The following SEPTIN9 variants were observed in gnomAD, a reference collection of about 807,000 sequenced individuals.
SEPTIN9 encodes the protein septin-9.
SEPTIN9 carries 13 observed loss-of-function variants against 56.6 expected under a neutral mutation model. The ratio of observed to expected loss-of-function variants is 0.23; its 90% confidence interval spans 0.15 to 0.37. SEPTIN9 has a LOEUF of 0.37. Among genes scored for constraint, SEPTIN9 ranks in the 10% least tolerant of loss-of-function variants. The pLI is 1.00. For synonymous variants in SEPTIN9, 332 were observed against 334.1 expected (o/e 0.99, Z 0.07); for missense variants, 650 against 823.1 (o/e 0.79, Z 2.57).
rs533878562 is a variant in SEPTIN9, at chr17:77,343,403, G to A, written c.76+36206G>A. Among the ~76,000 whole-genome samples the A allele has an allele frequency of 6.6e-5, 10 of 152,308 alleles. 1 individual carries two copies. In the South Asian group the frequency reaches 8.3e-4, roughly 13 times the overall value. On this transcript the variant is annotated intron_variant, in intron 2 of 11. Transcript: ENST00000427177. Reference sequence around the variant, plus strand: ...TGCTGGGAGGGCAGTGTACCCTCCCGTGGAAGCTCCATGCCGCTTCCTTCA... The same window carrying A: ...TGCTGGGAGGGCAGTGTACCCTCCCATGGAAGCTCCATGCCGCTTCCTTCA...
At chr17:77,471,640 G>T (rs980865109) in intron 3 of SEPTIN9, among the ~76,000 whole-genome samples, 4 of 152,266 alleles carry the variant, frequency 2.6e-5, no homozygotes, top group African/African-American at 9.6e-5. Context: ...CCTGCTTAGG[G>T]GACATCCCTG....
intron 2 of SEPTIN9, among the ~76,000 whole-genome samples, chr17:77,362,270 T>C (rs1002180758): frequency 6.6e-6 from 1 of 152,068 alleles, no homozygotes; most frequent in Non-Finnish European, 1.5e-5. Context: ...GCCACATGGA[T>C]GGGACAAGCC....
chr17:77,488,773 C>G lies in SEPTIN9; in HGVS notation c.1171C>G (p.Leu391Val). Residue 391 changes from leucine to valine, a missense_variant, in exon 7 of 12, where the codon CTG becomes GTG. Physicochemically the swap from Leu to Val is conservative, Grantham distance 32. Coordinates refer to ENST00000427177, the MANE Select transcript of SEPTIN9 (RefSeq NM_001113491.2). The part of the protein sequence containing the change: ...KFINDQYEKY[L>V]QEEVNINRKK... ...CATCAATGACCAGTACGAGAAATAC[C>G]TGCAGGAGGAGGTCAACATCAACCG... The G allele has an allele frequency of 6.2e-7, 1 of 1,613,942 alleles. No homozygotes were observed. Among genetic ancestry groups the G allele is most frequent in the East Asian group, 2.2e-5 (1 of 44,886 alleles).
intron 3 of SEPTIN9, among the ~76,000 whole-genome samples, chr17:77,462,922 G>A (rs2144510500): frequency 6.6e-6 from 1 of 152,350 alleles, no homozygotes; most frequent in South Asian, 2.1e-4. Flanking sequence ...GATTGTAGGT[G>A]TGAGCTGCTG....
At position 77,488,668 on chromosome 17, in the gene SEPTIN9, C is replaced by T. The variant is rs1314612940; in HGVS notation, c.1125-59C>T. 1.9e-5 allele frequency: 30 copies of T among 1,607,666 alleles called. No individual in the cohort carries two copies. In the East Asian group the frequency reaches 3.1e-4, roughly 17 times the overall value. The stretch of plus-strand genomic sequence containing the variant: ...TTGGGCTCTGAGTCCTGGGAATGCA[C>T]GACCTGCTTGGGGAGGGCATCTCAT... On this transcript the variant is annotated intron_variant, in intron 6 of 11. Transcript: ENST00000427177.
chr17:77,315,930 G>A (rs1203083305), intron 2 of SEPTIN9, among the ~76,000 whole-genome samples: 1 of 152,216 alleles, frequency 6.6e-6, no homozygotes, highest in Non-Finnish European at 1.5e-5. Flanking sequence ...AGGCTGGGGT[G>A]GCTGGGAGCT....
In SEPTIN9 at chr17:77,319,637, G is replaced by A; in HGVS notation, c.76+12440G>A. On this transcript the variant is annotated intron_variant, in intron 2 of 11. Transcript: ENST00000427177. This position sits in a 1 kb window ranked among gnomAD's most constrained non-coding sequence, Gnocchi z 5.3. ...GGGGCACGGCCGTTCCTCCTGCCCA[G>A]CCACGTTGGGGTACAGGGTGAAGAA... 9.4e-7 allele frequency: 1 copy of A among 1,062,588 alleles called. No individual in the cohort carries two copies. Among genetic ancestry groups the A allele is most frequent in the Non-Finnish European group, 1.1e-6 (1 of 877,604 alleles). 65.8% of individuals were successfully genotyped at this position (1,062,588 alleles called of 1,614,324 possible). A position where few individuals can be genotyped will look rare whatever the true frequency, so the allele number is the denominator to read the frequency against.
rs421717 is a variant in SEPTIN9, at chr17:77,397,200, A to G, written c.77-4859A>G. On this transcript the variant is annotated intron_variant, in intron 2 of 11. Coordinates refer to ENST00000427177, the MANE Select transcript of SEPTIN9 (RefSeq NM_001113491.2). ...ACAAGTTTGACATCAAGGTATTGGCAGGACCACACTCCCTCCGACAGCTCG... is the reference window on the plus strand; with the variant it reads ...ACAAGTTTGACATCAAGGTATTGGCGGGACCACACTCCCTCCGACAGCTCG... 1,291 of 154,536 alleles carry G rather than the reference A, an allele frequency of 8.4e-3. 18 individuals carry two copies. The highest frequency in any genetic ancestry group is 0.029 in the African/African-American group (1,217 of 41,628). 9.6% of individuals were successfully genotyped at this position (154,536 alleles called of 1,614,324 possible).
chr17:77,427,170 G>C (rs745861281), intron 3 of SEPTIN9: 4 of 152,340 alleles, frequency 2.6e-5, no homozygotes, highest in Non-Finnish European at 5.9e-5. Context: ...CTGTGCAGAG[G>C]CCGGAGGTGG....
chr17:77,469,882 TACAGTCATTC>T (rs2038905912), intron 3 of SEPTIN9, among the ~76,000 whole-genome samples: 1 of 134,500 alleles, frequency 7.4e-6, no homozygotes, highest in African/African-American at 2.9e-5. Flanking sequence ...TCCACCTATC[TACAGTCATTC>T]ACTCATCCAC....
chr17:77,369,426 G>A lies in SEPTIN9; in HGVS notation c.77-32633G>A, dbSNP rs7209417. Among the ~76,000 whole-genome samples the A allele has an allele frequency of 0.28, 42,625 of 151,934 alleles. 6,325 individuals are homozygous for A. Among genetic ancestry groups the A allele is most frequent in the African/African-American group, 0.32 (13,116 of 41,362 alleles). On this transcript the variant is annotated intron_variant, in intron 2 of 11. Coordinates refer to ENST00000427177, the MANE Select transcript of SEPTIN9 (RefSeq NM_001113491.2). This position sits in a 1 kb window ranked among gnomAD's most constrained non-coding sequence, Gnocchi z 4.9. ...TCGCAGAGAGACTAGAGGTAGAAAC[G>A]CACCATGGTTTGGATGCTGAGGGTG...
rs928174792 is a variant in SEPTIN9 at position 77,449,251 on chromosome 17, G to A, written c.722-32893G>A. Among the ~76,000 whole-genome samples the A allele has an allele frequency of 6.6e-6, 1 of 152,166 alleles. No individual in the cohort carries two copies. The highest frequency in any genetic ancestry group is 2.4e-5 in the African/African-American group (1 of 41,434). ...GCGGTAGAGAACTTTGAGAAGTGCT[G>A]AAGGACAGAGGCTTTGTGTGGGGGA... On this transcript the variant is annotated intron_variant, in intron 3 of 11. Transcript: ENST00000427177. This position sits in a 1 kb window ranked among gnomAD's most constrained non-coding sequence, Gnocchi z 4.6.
chr17:77,390,327 A>T lies in SEPTIN9; in HGVS notation c.77-11732A>T, dbSNP rs556963402. ...GCACCACTGCACCGCAGCCTGGGCG[A>T]CAGAGCAAGACTCCGTCTTAAAAAA... is the stretch of plus-strand genomic sequence containing the variant. On this transcript the variant is annotated intron_variant, in intron 2 of 11. Transcript: ENST00000427177. Among the ~76,000 whole-genome samples the T allele has an allele frequency of 5.1e-5, 6 of 117,386 alleles. No individual in the cohort carries two copies. The South Asian group carries it at 2.1e-3, about 41-fold the overall frequency. The allele number at this position is 117,386 out of a possible 152,430, so 77.0% of individuals were successfully genotyped here.
intron 2 of SEPTIN9, chr17:77,322,503 G>T (rs2032974704): frequency 6.6e-6 from 1 of 152,256 alleles, no homozygotes; most frequent in African/African-American, 2.4e-5. Flanking sequence ...CAGTCCCGGA[G>T]CTGTTTCCCT....
At position 77,330,657 on chromosome 17, in the gene SEPTIN9, C is replaced by A. The variant is rs1211982988; in HGVS notation, c.76+23460C>A. On this transcript the variant is annotated intron_variant, in intron 2 of 11. Transcript: ENST00000427177. This position sits in a 1 kb window ranked among gnomAD's most constrained non-coding sequence, Gnocchi z 4.4. ...TGCAGAACAGACAATTTGGTTAAAG[C>A]CTAAAGCCTGCTGTCAGGAGCCTCG... Among the ~76,000 whole-genome samples the A allele has an allele frequency of 2.0e-5, 3 of 152,200 alleles. No individual in the cohort carries two copies. Among genetic ancestry groups the A allele is most frequent in the African/African-American group, 7.2e-5 (3 of 41,440 alleles).
chr17:77,334,447 G>C (rs1303956840), intron 2 of SEPTIN9, among the ~76,000 whole-genome samples: 1 of 147,468 alleles, frequency 6.8e-6, no homozygotes, highest in Non-Finnish European at 1.5e-5. Flanking sequence ...AAAAAATGTT[G>C]TTTCATATGT....
intron 3 of SEPTIN9, among the ~76,000 whole-genome samples, chr17:77,424,183 C>T (rs985244617): frequency 1.4e-5 from 2 of 141,372 alleles, no homozygotes; most frequent in African/African-American, 5.4e-5. Flanking sequence ...GCACTATCGC[C>T]GTAGAAAACG....
At chr17:77,458,180 C>T (rs1344942483) in intron 3 of SEPTIN9, among the ~76,000 whole-genome samples, 2 of 152,200 alleles carry the variant, frequency 1.3e-5, no homozygotes, top group Non-Finnish European at 2.9e-5. Context: ...CGCTTTCCAC[C>T]CTGCTCACCA....
chr17:77,488,436 G>T, intron 6 of SEPTIN9, 115 bp downstream of exon 6: 1 of 981,256 alleles, frequency 1.0e-6, no homozygotes, highest in Non-Finnish European at 1.6e-6. Context: ...CCACCTCCTG[G>T]GACCTGACAT....
Sources: allele counts gnomAD v4.1 joint callset (sites outside exome capture counted in the v4.1 genomes callset), GRCh38; gene constraint gnomAD v4.1.1; non-coding constraint Gnocchi (gnomAD v3.1); transcripts MANE v1.5; gene names NCBI Gene and HGNC (gene_info 2026-07-23, HGNC 2026-07-21).